PRICKLE2: variants seen among roughly 807,000 people sequenced by gnomAD.
PRICKLE2 encodes prickle planar cell polarity protein 2.
PRICKLE2 carries 21 observed loss-of-function variants against 81.4 expected under a neutral mutation model. The ratio of observed to expected loss-of-function variants is 0.26; its 90% CI spans 0.18 to 0.37. The LOEUF (loss-of-function observed/expected upper bound fraction) is 0.37. Ranked by LOEUF, PRICKLE2 falls within the 10% of genes least tolerant of loss-of-function variation. The probability of loss-of-function intolerance (pLI) is 1.00; values close to 1 mark genes in which losing one functional copy is unlikely to be tolerated. For missense variants in PRICKLE2, 940 were observed against 1,109.0 expected (o/e 0.85, Z 2.16); for synonymous variants, 456 against 421.5 (o/e 1.08, Z -1.00).
At chr3:64,111,788 A>T (rs1428148411) in intron 7 of PRICKLE2, among the ~76,000 whole-genome samples, 3 of 152,134 alleles carry the variant, frequency 2.0e-5, no homozygotes, top group Non-Finnish European at 4.4e-5. Context: ...GGGAGGGGGC[A>T]TGAGGGAGCT....
In PRICKLE2 at chr3:64,093,886, A is replaced by G. The variant is rs552403017; in HGVS notation, c.*5165T>C. 6.6e-6 allele frequency: 1 copy of G among 152,646 alleles called. No homozygotes were observed. The highest frequency in any genetic ancestry group is 1.5e-5 in the Non-Finnish European group (1 of 68,038). The allele number at this position is 152,646 out of a possible 1,614,324, so 9.5% of individuals were successfully genotyped here. On this transcript the variant is annotated 3_prime_UTR_variant, in exon 8 of 8. Transcript: ENST00000638394. ...GCAACATTTCTTTTATTCAAATTTT[A>G]TTGGAAGTTTACAAATGTATTACAG... is the stretch of plus-strand genomic sequence containing the variant.
At chr3:64,208,506 G>A (rs1026197483) in intron 1 of PRICKLE2, among the ~76,000 whole-genome samples, 4 of 152,120 alleles carry the variant, frequency 2.6e-5, no homozygotes, top group African/African-American at 9.7e-5. Context: ...TGTTCCAAGA[G>A]GTAAAAATCT....
chr3:64,209,427 T>C (rs558481634), intron 1 of PRICKLE2, among the ~76,000 whole-genome samples: 2 of 152,292 alleles, frequency 1.3e-5, no homozygotes, highest in African/African-American at 2.4e-5. Context: ...TTCATATCCA[T>C]AAATACATCC....
chr3:64,236,128 T>C (rs552724200), intron 2 of PRICKLE2, among the ~76,000 whole-genome samples: 1 of 152,160 alleles, frequency 6.6e-6, no homozygotes, highest in Non-Finnish European at 1.5e-5. Flanking sequence ...CGGCAAATGA[T>C]TGTTTTGTTG....
chr3:64,167,722 A>AT (rs144606238), intron 2 of PRICKLE2, among the ~76,000 whole-genome samples: 2,531 of 150,716 alleles, frequency 0.017, 81 homozygotes, highest in African/African-American at 0.056. Flanking sequence ...AAGTAAGCTG[A>AT]TTTTTTTTTT....
At chr3:64,117,034 G>A (rs1383513816) in intron 7 of PRICKLE2, among the ~76,000 whole-genome samples, 1 of 152,160 alleles carries the variant, frequency 6.6e-6, no homozygotes, top group Non-Finnish European at 1.5e-5. Flanking sequence ...TTGGGAACAA[G>A]TTTGATTCAT....
intron 1 of PRICKLE2, among the ~76,000 whole-genome samples, chr3:64,205,288 G>A (rs1440467279): frequency 6.6e-6 from 1 of 152,106 alleles, no homozygotes; most frequent in Non-Finnish European, 1.5e-5. Flanking sequence ...CAAAGTTGCA[G>A]CATTAAATCA....
At chr3:64,207,092 G>T (rs576429438) in intron 1 of PRICKLE2, among the ~76,000 whole-genome samples, 1 of 151,682 alleles carries the variant, frequency 6.6e-6, no homozygotes, top group East Asian at 1.9e-4. Context: ...TAGATATGAG[G>T]TTTCACCATG....
At chr3:64,138,642 T>C (rs1005951737) in intron 7 of PRICKLE2, among the ~76,000 whole-genome samples, 1 of 152,216 alleles carries the variant, frequency 6.6e-6, no homozygotes, top group Non-Finnish European at 1.5e-5. Context: ...TTTACACCCA[T>C]TGGAGTTAGA....
At chr3:64,172,616 A>C (rs2077952461) in intron 2 of PRICKLE2, among the ~76,000 whole-genome samples, 1 of 152,252 alleles carries the variant, frequency 6.6e-6, no homozygotes, top group East Asian at 1.9e-4. Context: ...AGAGAGAGGC[A>C]CAGGCTGAAG....
chr3:64,230,549 A>G (rs995570933), intron 2 of PRICKLE2, among the ~76,000 whole-genome samples: 3 of 152,250 alleles, frequency 2.0e-5, no homozygotes, highest in Admixed American at 6.5e-5. Context: ...ATTCATAAAA[A>G]AGAAATGCTC....
intron 2 of PRICKLE2, among the ~76,000 whole-genome samples, chr3:64,171,952 AAACT>A (rs1222558329): frequency 2.0e-5 from 3 of 152,248 alleles, no homozygotes; most frequent in African/African-American, 7.2e-5. Flanking sequence ...TCGTTTGAAC[AAACT>A]AAGGAAAATA....
At chr3:64,139,198 C>A (rs1462225219) in intron 7 of PRICKLE2, among the ~76,000 whole-genome samples, 1 of 127,734 alleles carries the variant, frequency 7.8e-6, no homozygotes, top group East Asian at 2.3e-4. Flanking sequence ...AAGGCATGGC[C>A]TTGACACAAC....
chr3:64,155,051 G>A (rs986257410), intron 5 of PRICKLE2: 6 of 150,338 alleles, frequency 4.0e-5, no homozygotes, highest in African/African-American at 1.2e-4. Flanking sequence ...CAGGAGGTTC[G>A]GTCAGGAGAA....
At chr3:64,206,142 A>G (rs1242354997) in intron 1 of PRICKLE2, among the ~76,000 whole-genome samples, 1 of 152,232 alleles carries the variant, frequency 6.6e-6, no homozygotes, top group Non-Finnish European at 1.5e-5. Context: ...CCAAGACATT[A>G]CATGGAGATG....
At chr3:64,134,609 T>C (rs567264799) in intron 7 of PRICKLE2, among the ~76,000 whole-genome samples, 17 of 148,498 alleles carry the variant, frequency 1.1e-4, no homozygotes, top group Non-Finnish European at 2.3e-4. Context: ...CAACCAAAAA[T>C]GCCTCCAAAC....
chr3:64,152,188 TC>T (rs2077558651), intron 6 of PRICKLE2, among the ~76,000 whole-genome samples: 1 of 152,152 alleles, frequency 6.6e-6, no homozygotes, highest in African/African-American at 2.4e-5. Flanking sequence ...CAAAATGGGC[TC>T]CAAAATGGAT....
chr3:64,211,795 T>A (rs867084417), intron 1 of PRICKLE2, among the ~76,000 whole-genome samples: 3 of 152,304 alleles, frequency 2.0e-5, no homozygotes, highest in Admixed American at 6.5e-5. Flanking sequence ...TAACAACAGA[T>A]CAGGGAAGGC....
chr3:64,159,321 C>A (rs2077692163), intron 4 of PRICKLE2, among the ~76,000 whole-genome samples: 2 of 152,252 alleles, frequency 1.3e-5, no homozygotes, highest in South Asian at 4.1e-4. Flanking sequence ...GGCTCTCGTT[C>A]TGGGATGATC....
Sources: allele counts gnomAD v4.1 joint callset (sites outside exome capture counted in the v4.1 genomes callset), GRCh38; gene constraint gnomAD v4.1.1; transcripts MANE v1.5; gene names NCBI Gene and HGNC (gene_info 2026-07-23, HGNC 2026-07-21).